Variants in ERO1A observed in about 807,000 individuals in gnomAD.
The protein encoded by ERO1A is endoplasmic reticulum oxidoreductase 1 alpha.
ERO1A carries 49 observed loss-of-function variants against 76.9 expected under a neutral mutation model. The ratio of observed to expected loss-of-function variants is 0.64; its 90% confidence interval spans 0.51 to 0.81. ERO1A has a LOEUF of 0.81. Ranked by LOEUF, ERO1A falls within the 30% of genes least tolerant of loss-of-function variation. The pLI, the probability that ERO1A is intolerant of heterozygous loss-of-function variation, is 0.00. For synonymous variants in ERO1A, 174 were observed against 181.2 expected (o/e 0.96, Z 0.32); for missense variants, 448 against 542.1 (o/e 0.83, Z 1.72).
At chr14:52,682,510 G>A in intron 2 of ERO1A, 102 bp from the exon 3 acceptor site, 1 of 782,294 alleles carries the variant, frequency 1.3e-6, no homozygotes, top group Non-Finnish European at 2.1e-6. Flanking sequence ...GTTATCAGGT[G>A]CAAATACAGT....
chr14:52,665,440 T>G (rs967484352), intron 7 of ERO1A, among the ~76,000 whole-genome samples: 1 of 149,604 alleles, frequency 6.7e-6, no homozygotes, highest in Non-Finnish European at 1.5e-5. Flanking sequence ...CTGGAGAAAT[T>G]CTTCAAGTCA....
At chr14:52,656,615 G>A (rs549613154) in intron 11 of ERO1A, among the ~76,000 whole-genome samples, 5 of 151,110 alleles carry the variant, frequency 3.3e-5, no homozygotes, top group Non-Finnish European at 7.4e-5. Context: ...AGGAGGCTGA[G>A]GCAGGAGAAT....
intron 4 of ERO1A, among the ~76,000 whole-genome samples, chr14:52,677,996 T>G (rs990598039): frequency 1.3e-5 from 2 of 150,910 alleles, no homozygotes; most frequent in Admixed American, 6.6e-5. Flanking sequence ...CCGGACGCGG[T>G]GGCTCACGCC....
chr14:52,673,603 CTGAT>C (rs1236882643), intron 4 of ERO1A, among the ~76,000 whole-genome samples: 1 of 152,162 alleles, frequency 6.6e-6, no homozygotes, highest in Admixed American at 6.6e-5. Context: ...TTTATAAAAT[CTGAT>C]TGATAATAGA....
In ERO1A at chr14:52,652,296, C is replaced by T. The variant is rs141179949; in HGVS notation, c.1068G>A (p.Leu356=). The T allele has an allele frequency of 8.6e-5, 139 of 1,609,524 alleles. No individual in the cohort carries two copies. The Middle Eastern group carries it at 1.3e-3, about 15-fold the overall frequency. ...EILHEIKSFP[L]HFDENSFFAG... is the part of the protein sequence containing the mutation. ...CAAAAAATGAATTCTCATCAAAATG[C>T]AAAGGAAATGACCTGCGTTTTAAAA... The change falls in exon 13 of 16, where the codon TTG becomes TTA. Residue 356 remains leucine (L), a synonymous_variant. Transcript: ENST00000395686.
intron 13 of ERO1A, among the ~76,000 whole-genome samples, chr14:52,650,677 G>C (rs1001505315): frequency 2.0e-5 from 3 of 152,150 alleles, no homozygotes; most frequent in Non-Finnish European, 4.4e-5. Context: ...CTTTGTAAGA[G>C]AGAAGAGAAA....
intron 15 of ERO1A, among the ~76,000 whole-genome samples, chr14:52,644,897 A>G (rs1301291296): frequency 6.6e-6 from 1 of 152,206 alleles, no homozygotes; most frequent in Admixed American, 6.5e-5. Flanking sequence ...TTGAAGGTCA[A>G]TTATTTCAAG....
In ERO1A at chr14:52,643,533, C is replaced by T. The variant is rs759257212; in HGVS notation, c.*37G>A. ...GAATGAAATTCCACTCTTTCGCCTC[C>T]ATTGTCCAGAAACAGGCACATATCA... is the stretch of plus-strand genomic sequence containing the variant. On this transcript the variant is annotated 3_prime_UTR_variant, in exon 16 of 16. Coordinates refer to ENST00000395686, the MANE Select transcript of ERO1A (RefSeq NM_014584.3). 7.3e-7 allele frequency: 1 copy of T among 1,368,168 alleles called. No individual in the cohort carries two copies. The highest frequency in any genetic ancestry group is 9.8e-7 in the Non-Finnish European group (1 of 1,022,542). The allele number at this position is 1,368,168 out of a possible 1,614,324, so 84.8% of individuals were successfully genotyped here.
rs748551230 is a variant in ERO1A at position 52,653,140 on chromosome 14, T to G, written c.984A>C (p.Gln328His). 1 of 1,611,618 alleles carries G rather than the reference T, an allele frequency of 6.2e-7. No homozygotes were observed. The highest frequency in any genetic ancestry group is 1.7e-5 in the Admixed American group (1 of 59,978). ...CCTGAATTTTATTTCCAGTAAAGAGTTGAAAATCTGGGCGCTCGAAGAATG... is the reference window on the plus strand; with the variant it reads ...CCTGAATTTTATTTCCAGTAAAGAGGTGAAAATCTGGGCGCTCGAAGAATG... ...VLPFFERPDF[Q>H]LFTGNKIQDE... is the part of the protein sequence containing the mutation. The change falls in exon 12 of 16, where the codon CAA becomes CAC. Residue 328 changes from glutamine (Q) to histidine (H), a missense_variant. By Grantham distance (24) the Gln-to-His change is conservative. Transcript: ENST00000395686.
In ERO1A at chr14:52,666,514, T is replaced by C. The variant is rs77648601; in HGVS notation, c.509-19A>G. 1,506 of 1,593,818 alleles carry C rather than the reference T, an allele frequency of 9.4e-4. 24 individuals carry two copies. In the East Asian group the frequency reaches 0.032, roughly 34 times the overall value. On this transcript the variant is annotated intron_variant, in intron 6 of 15. Transcript: ENST00000395686. Reference sequence around the variant, plus strand: ...TGAATGTCTGTAAAATAAAATGTCTTATTAAACCTTTCTTATCCTCAGTTA... The same window carrying C: ...TGAATGTCTGTAAAATAAAATGTCTCATTAAACCTTTCTTATCCTCAGTTA...
intron 1 of ERO1A, among the ~76,000 whole-genome samples, chr14:52,686,525 A>T (rs17681013): frequency 6.6e-6 from 1 of 152,026 alleles, no homozygotes; most frequent in Admixed American, 6.6e-5. Flanking sequence ...CAGAGGTGGC[A>T]TATAGCCAAG....
intron 11 of ERO1A, among the ~76,000 whole-genome samples, chr14:52,654,454 T>C (rs549390510): frequency 2.6e-5 from 4 of 152,144 alleles, no homozygotes; most frequent in Non-Finnish European, 5.9e-5. Flanking sequence ...ATAATTGACA[T>C]AAGTAAATTT....
At position 52,666,792 on chromosome 14, in the gene ERO1A, G is replaced by A. The variant is rs558129317; in HGVS notation, c.509-297C>T. Among the ~76,000 whole-genome samples, 11 of 152,254 alleles carry A rather than the reference G, an allele frequency of 7.2e-5. No homozygotes were observed. In the South Asian group the frequency reaches 1.2e-3, roughly 17 times the overall value. On this transcript the variant is annotated intron_variant, in intron 6 of 15. Transcript: ENST00000395686. ...CTAAAAATACAAAAATTAGCCGGGC[G>A]TGGTGGTGCACGCCTGTAGTCCCAG...
At chr14:52,685,139 A>C (rs1168825765) in intron 1 of ERO1A, among the ~76,000 whole-genome samples, 4 of 152,188 alleles carry the variant, frequency 2.6e-5, no homozygotes, top group Non-Finnish European at 5.9e-5. Flanking sequence ...TCAGTATTTC[A>C]GAACACTGTA....
Position 52,642,235 on chromosome 14 carries a change from T to C in ERO1A, c.*1335A>G, listed in dbSNP as rs2039499040. 1 of 151,934 alleles carries C rather than the reference T, an allele frequency of 6.6e-6. No individual in the cohort carries two copies. 9.4% of individuals were successfully genotyped at this position (151,934 alleles called of 1,614,324 possible). ...AGACAAAGGAAATGAACTTCGGGTATAAAAAACAAAAATGAAACTGGGTAT... is the reference window on the plus strand; with the variant it reads ...AGACAAAGGAAATGAACTTCGGGTACAAAAAACAAAAATGAAACTGGGTAT... On this transcript the variant is annotated 3_prime_UTR_variant, in exon 16 of 16. Coordinates refer to ENST00000395686, the MANE Select transcript of ERO1A (RefSeq NM_014584.3).
chr14:52,667,099 A>G (rs1048790589), intron 6 of ERO1A, among the ~76,000 whole-genome samples: 2 of 152,244 alleles, frequency 1.3e-5, no homozygotes, highest in Non-Finnish European at 2.9e-5. Flanking sequence ...CAAAGAATAT[A>G]ACATACATTT....
chr14:52,668,569 G>A (rs2040491453), intron 6 of ERO1A, among the ~76,000 whole-genome samples: 1 of 151,270 alleles, frequency 6.6e-6, no homozygotes, highest in African/African-American at 2.4e-5. Context: ...AAATAAAAAT[G>A]AAATAAAATA....
chr14:52,669,765 A>C (rs1307825057), intron 6 of ERO1A, among the ~76,000 whole-genome samples: 3 of 152,208 alleles, frequency 2.0e-5, no homozygotes, highest in Non-Finnish European at 4.4e-5. Flanking sequence ...AGGAATTATA[A>C]CTAAGTATAT....
At chr14:52,684,975 G>GA (rs1355363523) in intron 1 of ERO1A, among the ~76,000 whole-genome samples, 1 of 151,984 alleles carries the variant, frequency 6.6e-6, no homozygotes, top group East Asian at 1.9e-4. Flanking sequence ...GCATGCTCCA[G>GA]AAAAGAGATC....
Sources: allele counts gnomAD v4.1 joint callset (sites outside exome capture counted in the v4.1 genomes callset), GRCh38; gene constraint gnomAD v4.1.1; transcripts MANE v1.5; gene names NCBI Gene and HGNC (gene_info 2026-07-23, HGNC 2026-07-21).